The following SLC22A23 variants were observed in gnomAD, a reference collection of about 807,000 sequenced individuals.
SLC22A23 encodes the protein ion transporter protein.
A neutral mutation model predicts 61.0 loss-of-function variants in SLC22A23; 26 were observed. The ratio of observed to expected loss-of-function variants is 0.43; its 90% CI spans 0.31 to 0.59. The LOEUF (loss-of-function observed/expected upper bound fraction) is 0.59. Ranked by LOEUF, SLC22A23 falls within the 20% of genes least tolerant of loss-of-function variation. The pLI is 0.11. For synonymous variants in SLC22A23, 430 were observed against 413.9 expected (o/e 1.04, Z -0.47); for missense variants, 796 against 934.7 (o/e 0.85, Z 1.94).
Position 3,434,308 on chromosome 6 carries a change from G to GTAAA in SLC22A23, c.655-18457_655-18454dup, listed in dbSNP as rs112412183. Among the ~76,000 whole-genome samples, 344 of 149,930 alleles carry GTAAA rather than the reference G, an allele frequency of 2.3e-3. 1 individual carries two copies. The highest frequency in any genetic ancestry group is 7.0e-3 in the African/African-American group (286 of 40,596). ...ACCCTGGGCGACAGAGCGAAACTCT[G>GTAAA]TAAATAAATAAATAAATAAATAAAG... On this transcript the variant is annotated intron_variant, in intron 1 of 9. Transcript: ENST00000406686.
chr6:3,270,105 G>A lies in SLC22A23; in HGVS notation c.*2950C>T, dbSNP rs1380095934. 2 of 152,368 alleles carry A rather than the reference G, an allele frequency of 1.3e-5. No individual in the cohort carries two copies. Among genetic ancestry groups the A allele is most frequent in the Non-Finnish European group, 2.9e-5 (2 of 68,046 alleles). The allele number at this position is 152,368 out of a possible 1,614,324, so 9.4% of individuals were successfully genotyped here. A position where few individuals can be genotyped will look rare whatever the true frequency, so the allele number is the denominator to read the frequency against. ...GAAGAAATGTTCAGCTCCATCTCAG[G>A]TGTTCACATTTGTGCATAACTTTTA... On this transcript the variant is annotated 3_prime_UTR_variant, in exon 10 of 10. Transcript: ENST00000406686.
rs546138950 is a variant in SLC22A23, at chr6:3,306,262, C to A, written c.1083-8044G>T. On this transcript the variant is annotated intron_variant, in intron 4 of 9. Coordinates refer to ENST00000406686, the MANE Select transcript of SLC22A23 (RefSeq NM_015482.2). ...GCCCAAGGGGTCCACCCCCGTGACC[C>A]AAACACCTCCCACCAGGCCCTACCT... Among the ~76,000 whole-genome samples, 3 of 152,298 alleles carry A rather than the reference C, an allele frequency of 2.0e-5. No homozygotes were observed. In the East Asian group the frequency reaches 5.8e-4, roughly 29 times the overall value.
intron 3 of SLC22A23, among the ~76,000 whole-genome samples, chr6:3,384,276 A>G (rs1451242395): frequency 2.0e-5 from 3 of 152,250 alleles, no homozygotes; most frequent in African/African-American, 7.2e-5. Flanking sequence ...ACAATCTCCT[A>G]TCATACGTCT....
At position 3,297,650 on chromosome 6, in the gene SLC22A23, C is replaced by T. The variant is rs981928200; in HGVS notation, c.1210+441G>A. Among the ~76,000 whole-genome samples the T allele has an allele frequency of 1.4e-4, 21 of 152,224 alleles. No homozygotes were observed. The highest frequency in any genetic ancestry group is 4.3e-4 in the African/African-American group (18 of 41,442). ...AAAAACACTTCACCTTTCCTGTCTT[C>T]AGCTGCCCAACAAATAGGTCATGGC... On this transcript the variant is annotated intron_variant, in intron 5 of 9. Coordinates refer to ENST00000406686, the MANE Select transcript of SLC22A23 (RefSeq NM_015482.2). The surrounding 1 kb of genome is among the most constrained non-coding windows in gnomAD (Gnocchi z 4.3).
rs140790691 is a variant in SLC22A23 at position 3,414,801 on chromosome 6, T to C, written c.758+951A>G. ...AGACAGTTACACTACGCCTCTCTCC[T>C]GAGCAATCTCGCTACTTGAAAAACC... is the stretch of plus-strand genomic sequence containing the variant. On this transcript the variant is annotated intron_variant, in intron 2 of 9. Transcript: ENST00000406686. This position sits in a 1 kb window ranked among gnomAD's most constrained non-coding sequence, Gnocchi z 5.1. Among the ~76,000 whole-genome samples the C allele has an allele frequency of 8.3e-4, 125 of 151,166 alleles. 1 individual carries two copies. Among genetic ancestry groups the C allele is most frequent in the African/African-American group, 2.9e-3 (121 of 41,192 alleles).
intron 1 of SLC22A23, among the ~76,000 whole-genome samples, chr6:3,423,150 G>C (rs1770261172): frequency 2.0e-5 from 3 of 151,810 alleles, no homozygotes; most frequent in Non-Finnish European, 2.9e-5. Context: ...CTGACACTGG[G>C]GCTTTCCTGG....
chr6:3,395,009 G>A (rs1395284622), intron 3 of SLC22A23, among the ~76,000 whole-genome samples: 2 of 152,218 alleles, frequency 1.3e-5, no homozygotes, highest in Non-Finnish European at 2.9e-5. Context: ...GTATGAGGCA[G>A]GGAGGACGGG....
chr6:3,408,888 C>T (rs554715847), intron 3 of SLC22A23, among the ~76,000 whole-genome samples: 52 of 152,338 alleles, frequency 3.4e-4, no homozygotes, highest in African/African-American at 1.1e-3. Context: ...GCAAGGGTCC[C>T]GGCGCACTTG....
rs996030243 is a variant in SLC22A23, at chr6:3,456,034, C to T, written c.526G>A (p.Gly176Ser). 3.9e-6 allele frequency: 6 copies of T among 1,547,690 alleles called. No homozygotes were observed. The African/African-American group carries it at 6.8e-5, about 18-fold the overall frequency. The change falls in exon 1 of 10, where the codon GGC becomes AGC. Residue 176 changes from glycine to serine, a missense_variant. Coordinates refer to ENST00000406686, the MANE Select transcript of SLC22A23 (RefSeq NM_015482.2). The surrounding 1 kb of genome is among the most constrained non-coding windows in gnomAD (Gnocchi z 7.1). Reference sequence around the variant, plus strand: ...GGTGGTGTGTCGCCTCCGTCCGCGCCGCTGCTGTTGCTCCGGTTGCCCGCA... The same window carrying T: ...GGTGGTGTGTCGCCTCCGTCCGCGCTGCTGCTGTTGCTCCGGTTGCCCGCA... ...EAAGNRSNSS[G>S]ADGGDTPPLP...
chr6:3,308,018 T>G lies in SLC22A23; in HGVS notation c.1083-9800A>C, dbSNP rs1359492522. On this transcript the variant is annotated intron_variant, in intron 4 of 9. Transcript: ENST00000406686. This position sits in a 1 kb window ranked among gnomAD's most constrained non-coding sequence, Gnocchi z 5.1. ...TTGACATTCCACTCACATCAGGCAC[T>G]AGAGGAGTCAAATTCATAGCAAGTA... Among the ~76,000 whole-genome samples, 1 of 152,064 alleles carries G rather than the reference T, an allele frequency of 6.6e-6. No individual in the cohort carries two copies. The highest frequency in any genetic ancestry group is 1.5e-5 in the Non-Finnish European group (1 of 68,012).
intron 1 of SLC22A23, chr6:3,438,443 C>T: frequency 2.2e-6 from 1 of 448,032 alleles, no homozygotes; most frequent in Non-Finnish European, 4.5e-6. Context: ...CTGGCGGGAA[C>T]CAGCCTGATC....
chr6:3,444,712 G>T, intron 1 of SLC22A23: 1 of 830,976 alleles, frequency 1.2e-6, no homozygotes, highest in Non-Finnish European at 1.5e-6. Flanking sequence ...CCGGTGACCT[G>T]TTTTGTTTTC....
At chr6:3,337,673 C>T (rs532903160) in intron 3 of SLC22A23, among the ~76,000 whole-genome samples, 73 of 152,234 alleles carry the variant, frequency 4.8e-4, no homozygotes, top group Non-Finnish European at 9.7e-4. Flanking sequence ...CGGGCCCCAC[C>T]GAGGGCAAGG....
At chr6:3,455,091 A>G (rs1772329362) in intron 1 of SLC22A23, among the ~76,000 whole-genome samples, 1 of 152,148 alleles carries the variant, frequency 6.6e-6, no homozygotes, top group African/African-American at 2.4e-5. Context: ...ACCATTGCCC[A>G]CTCTGTGTTT....
In SLC22A23 at chr6:3,329,522, G is replaced by A. The variant is rs1450164187; in HGVS notation, c.914-5520C>T. Among the ~76,000 whole-genome samples the A allele has an allele frequency of 1.9e-4, 29 of 152,268 alleles. No homozygotes were observed. Among genetic ancestry groups the A allele is most frequent in the Admixed American group, 1.9e-3 (29 of 15,292 alleles). The stretch of plus-strand genomic sequence containing the variant: ...CAGGAATTCACAGAATTGTGCCCGC[G>A]GAACAAAGCGTGCCATGCAGGGTAT... On this transcript the variant is annotated intron_variant, in intron 3 of 9. Coordinates refer to ENST00000406686, the MANE Select transcript of SLC22A23 (RefSeq NM_015482.2). The surrounding 1 kb of genome is among the most constrained non-coding windows in gnomAD (Gnocchi z 4.8).
chr6:3,371,176 C>T (rs918316803), intron 3 of SLC22A23, among the ~76,000 whole-genome samples: 7 of 152,192 alleles, frequency 4.6e-5, no homozygotes, highest in Non-Finnish European at 7.3e-5. Context: ...ATAAATAAGA[C>T]GTTGCTTTCC....
intron 3 of SLC22A23, among the ~76,000 whole-genome samples, chr6:3,401,439 T>C (rs1383158521): frequency 8.8e-6 from 1 of 113,452 alleles, no homozygotes; most frequent in East Asian, 2.5e-4. Context: ...AAAATATAAC[T>C]TTCTTTCTAA....
chr6:3,367,761 G>A (rs532189410), intron 3 of SLC22A23, among the ~76,000 whole-genome samples: 7 of 152,286 alleles, frequency 4.6e-5, no homozygotes, highest in African/African-American at 1.4e-4. Flanking sequence ...AGCACTTAAA[G>A]ACTAGTCACA....
chr6:3,382,787 A>T (rs1261199017), intron 3 of SLC22A23, among the ~76,000 whole-genome samples: 1 of 152,234 alleles, frequency 6.6e-6, no homozygotes, highest in Non-Finnish European at 1.5e-5. Flanking sequence ...GACATTACAG[A>T]AAAAGTTTGT....
Sources: gnomAD v4.1 joint callset for allele counts (sites outside exome capture counted in the v4.1 genomes callset) on GRCh38, gnomAD v4.1.1 for gene constraint, Gnocchi (gnomAD v3.1) non-coding constraint, MANE v1.5 for transcripts, NCBI Gene and HGNC (gene_info 2026-07-23, HGNC 2026-07-21) for gene names.